Variants in PKD2 observed in about 807,000 individuals in gnomAD.
PKD2 encodes the protein polycystin-2.
A neutral mutation model predicts 105.9 loss-of-function variants in PKD2; 48 were observed. The observed-to-expected ratio is 0.45, with a 90% CI of 0.36 to 0.58. The LOEUF (loss-of-function observed/expected upper bound fraction) is 0.58, where lower values mean the gene tolerates loss of function less well. Ranked by LOEUF, PKD2 falls within the 20% of genes least tolerant of loss-of-function variation. PKD2 has a pLI of 0.00. For synonymous variants in PKD2, 464 were observed against 481.1 expected (o/e 0.96, Z 0.46); for missense variants, 1,078 against 1,255.3 (o/e 0.86, Z 2.13).
intron 9 of PKD2, among the ~76,000 whole-genome samples, chr4:88,060,608 T>C (rs1429816806): frequency 1.3e-5 from 2 of 152,004 alleles, no homozygotes; most frequent in Non-Finnish European, 2.9e-5. Context: ...ACAGACATTA[T>C]CAAATAGAAA....
chr4:88,069,415 A>C (rs1210247761), intron 13 of PKD2, among the ~76,000 whole-genome samples: 1 of 151,842 alleles, frequency 6.6e-6, no homozygotes. Flanking sequence ...ATAACATTTA[A>C]ATTTTTTTAA....
intron 2 of PKD2, among the ~76,000 whole-genome samples, chr4:88,021,388 G>C (rs1377681914): frequency 6.6e-6 from 1 of 152,234 alleles, no homozygotes; most frequent in Non-Finnish European, 1.5e-5. Context: ...TATGCCTAAA[G>C]TCACATAATG....
At chr4:88,008,440 G>A in intron 1 of PKD2, 112 bp downstream of exon 1, 2 of 1,302,252 alleles carry the variant, frequency 1.5e-6, no homozygotes, top group South Asian at 3.4e-5. Context: ...TCCCCTCTGC[G>A]TTCCGCCTCC....
At chr4:88,025,700 A>G (rs921244262) in intron 2 of PKD2, among the ~76,000 whole-genome samples, 1 of 152,220 alleles carries the variant, frequency 6.6e-6, no homozygotes, top group African/African-American at 2.4e-5. Context: ...GTTGCCACCC[A>G]GATCTCATCT....
At chr4:88,034,969 G>T (rs1322988587) in intron 2 of PKD2, among the ~76,000 whole-genome samples, 3 of 152,116 alleles carry the variant, frequency 2.0e-5, no homozygotes, top group Non-Finnish European at 4.4e-5. Flanking sequence ...TATAATAAAT[G>T]CATTATAGCA....
intron 2 of PKD2, among the ~76,000 whole-genome samples, chr4:88,034,562 G>A (rs935895975): frequency 1.2e-4 from 18 of 151,794 alleles, no homozygotes; most frequent in African/African-American, 4.1e-4. Context: ...CAGCTACTTG[G>A]GAGGCTGAAG....
intron 7 of PKD2, among the ~76,000 whole-genome samples, chr4:88,053,527 C>T (rs999245484): frequency 2.6e-5 from 4 of 151,884 alleles, no homozygotes; most frequent in African/African-American, 4.8e-5. Context: ...GGTGGTGGCA[C>T]GTGCCTGTAG....
intron 3 of PKD2, 50 bp downstream of exon 3, chr4:88,036,403 A>C: frequency 6.2e-7 from 1 of 1,609,900 alleles, no homozygotes; most frequent in Non-Finnish European, 8.5e-7. Flanking sequence ...AAAATTGTTC[A>C]TTTGGCTTCA....
intron 2 of PKD2, among the ~76,000 whole-genome samples, chr4:88,021,886 A>C (rs1199981118): frequency 6.6e-6 from 1 of 152,186 alleles, no homozygotes; most frequent in East Asian, 1.9e-4. Flanking sequence ...CAGTTCATCC[A>C]GCTGTTGATT....
chr4:88,021,613 T>C (rs1726749289), intron 2 of PKD2, among the ~76,000 whole-genome samples: 1 of 152,248 alleles, frequency 6.6e-6, no homozygotes, highest in Non-Finnish European at 1.5e-5. Flanking sequence ...TGGTTACTCA[T>C]ACTGCCTCTG....
At chr4:88,037,923 C>G (rs139489731) in intron 3 of PKD2, among the ~76,000 whole-genome samples, 64 of 152,284 alleles carry the variant, frequency 4.2e-4, no homozygotes, top group African/African-American at 1.5e-3. Context: ...AGGGAAAGTG[C>G]AGTTAATCAT....
At chr4:88,028,365 G>A (rs893821889) in intron 2 of PKD2, among the ~76,000 whole-genome samples, 9 of 152,214 alleles carry the variant, frequency 5.9e-5, no homozygotes, top group Non-Finnish European at 1.3e-4. Flanking sequence ...TCCATTTCCA[G>A]TGAAAAACGT....
chr4:88,051,102 A>G (rs200743536), intron 6 of PKD2, among the ~76,000 whole-genome samples: 1 of 152,316 alleles, frequency 6.6e-6, no homozygotes, highest in East Asian at 1.9e-4. Flanking sequence ...ATGGATGCCA[A>G]GGAGGGGGCA....
In PKD2 at chr4:88,043,103, G is replaced by A. The variant is rs1290647407; in HGVS notation, c.1095-130G>A. On this transcript the variant is annotated intron_variant, in intron 4 of 14. Coordinates refer to ENST00000237596, the MANE Select transcript of PKD2 (RefSeq NM_000297.4). ...TAACCAAGAAAACATGAACTGCCAGGTCAGGCACAGTACCCAGCTTGATAG... is the reference window on the plus strand; with the variant it reads ...TAACCAAGAAAACATGAACTGCCAGATCAGGCACAGTACCCAGCTTGATAG... The A allele has an allele frequency of 5.8e-6, 4 of 690,646 alleles. No individual in the cohort carries two copies. The Admixed American group carries it at 8.4e-5, about 14-fold the overall frequency. 42.8% of individuals were successfully genotyped at this position (690,646 alleles called of 1,614,324 possible). A position where few individuals can be genotyped will look rare whatever the true frequency, so the allele number is the denominator to read the frequency against.
intron 12 of PKD2, among the ~76,000 whole-genome samples, chr4:88,066,144 A>C (rs1720785017): frequency 6.6e-6 from 1 of 152,224 alleles, no homozygotes; most frequent in East Asian, 1.9e-4. Context: ...ATGGATTATT[A>C]ATGAAGCTTA....
At chr4:88,027,187 C>T (rs982991065) in intron 2 of PKD2, among the ~76,000 whole-genome samples, 15 of 152,180 alleles carry the variant, frequency 9.9e-5, no homozygotes, top group East Asian at 3.9e-4. Flanking sequence ...TTGCACTCTG[C>T]GCTTAGAAAA....
At chr4:88,010,094 ATT>A (rs34009054) in intron 1 of PKD2, among the ~76,000 whole-genome samples, 152 of 143,260 alleles carry the variant, frequency 1.1e-3, no homozygotes, top group South Asian at 6.3e-3. Flanking sequence ...GGAATCGGGA[ATT>A]TTTTTTTTTT....
intron 3 of PKD2, 49 bp from the exon 4 acceptor site, chr4:88,038,191 GCAGGGGCAAGA>G (rs1339466804): frequency 6.3e-7 from 1 of 1,580,076 alleles, no homozygotes; most frequent in African/African-American, 1.4e-5. Context: ...AACGATGCAG[GCAGGGGCAAGA>G]CAGCGGCTGA....
chr4:88,060,976 A>C (rs1229272383), intron 9 of PKD2, among the ~76,000 whole-genome samples: 4 of 152,348 alleles, frequency 2.6e-5, no homozygotes, highest in African/African-American at 9.6e-5. Context: ...GTGGAGCAAC[A>C]ATCTTAGCAG....
Sources: allele counts gnomAD v4.1 joint callset (sites outside exome capture counted in the v4.1 genomes callset), GRCh38; gene constraint gnomAD v4.1.1; transcripts MANE v1.5; gene names NCBI Gene and HGNC (gene_info 2026-07-23, HGNC 2026-07-21).